Variants in CERS6 observed in about 807,000 individuals in gnomAD.
The protein encoded by CERS6 is LAG1 homolog, ceramide synthase 6.
Under a neutral mutation model 56.8 loss-of-function variants are expected in CERS6, and 26 were observed. The observed-to-expected ratio is 0.46, with a 90% CI of 0.34 to 0.63. The LOEUF (loss-of-function observed/expected upper bound fraction) is 0.63. Among genes scored for constraint, CERS6 ranks in the 30% least tolerant of loss-of-function variants. The probability of loss-of-function intolerance (pLI) is 0.01; values close to 1 mark genes in which losing one functional copy is unlikely to be tolerated. For synonymous variants in CERS6, 164 were observed against 173.3 expected (o/e 0.95, Z 0.42); for missense variants, 415 against 467.5 (o/e 0.89, Z 1.04).
chr2:168,657,893 C>T (rs1340890191), intron 4 of CERS6, among the ~76,000 whole-genome samples: 3 of 152,172 alleles, frequency 2.0e-5, no homozygotes, highest in Non-Finnish European at 4.4e-5. Context: ...TCCCACAGTG[C>T]AGTGGGGGAC....
chr2:168,700,352 G>T (rs1021845722), intron 6 of CERS6, among the ~76,000 whole-genome samples: 6 of 152,172 alleles, frequency 3.9e-5, no homozygotes, highest in African/African-American at 9.7e-5. Context: ...GCATGGAACA[G>T]AATTACGTAA....
At chr2:168,498,591 C>T (rs1694518192) in intron 1 of CERS6, among the ~76,000 whole-genome samples, 2 of 152,178 alleles carry the variant, frequency 1.3e-5, no homozygotes, top group Non-Finnish European at 2.9e-5. Flanking sequence ...ATGTGTCCCA[C>T]GTTCACCTGG....
chr2:168,774,580 A>G lies in CERS6; in HGVS notation c.*4918A>G, dbSNP rs1294796635. 19 of 151,922 alleles carry G rather than the reference A, an allele frequency of 1.3e-4. No homozygotes were observed. Among genetic ancestry groups the G allele is most frequent in the Admixed American group, 1.2e-3 (19 of 15,252 alleles). 9.4% of individuals were successfully genotyped at this position (151,922 alleles called of 1,614,324 possible). On this transcript the variant is annotated 3_prime_UTR_variant, in exon 10 of 10. Transcript: ENST00000305747. ...ATTTCATTGAGACAATTTTTTCTTT[A>G]TCCACAGTAATTTTTTGACACTGTC...
At chr2:168,551,980 C>T (rs974131540) in intron 2 of CERS6, among the ~76,000 whole-genome samples, 5 of 152,140 alleles carry the variant, frequency 3.3e-5, no homozygotes, top group Non-Finnish European at 7.3e-5. Context: ...CTAATCAAAT[C>T]AGTGCTTAAG....
Position 168,544,341 on chromosome 2 carries a change from G to A in CERS6, c.171-3255G>A, listed in dbSNP as rs570927007. ...ACTGTCTTCTGCTTCCATTTCCCTG[G>A]AAGTAGAGGCCACTGACATCTCTGG... On this transcript the variant is annotated intron_variant, in intron 1 of 9. Coordinates refer to ENST00000305747, the MANE Select transcript of CERS6 (RefSeq NM_203463.3). 1.5e-3 allele frequency among the ~76,000 whole-genome samples: 221 copies of A among 152,234 alleles called. No homozygotes were observed. The Middle Eastern group carries it at 0.017, about 12-fold the overall frequency.
chr2:168,534,366 A>G (rs1378282112), intron 1 of CERS6, among the ~76,000 whole-genome samples: 1 of 143,862 alleles, frequency 7.0e-6, no homozygotes, highest in Non-Finnish European at 1.5e-5. Flanking sequence ...TCTAGTTTCG[A>G]TCTTTGAACC....
At chr2:168,761,320 G>A (rs1269283583) in intron 8 of CERS6, among the ~76,000 whole-genome samples, 1 of 151,844 alleles carries the variant, frequency 6.6e-6, no homozygotes, top group Non-Finnish European at 1.5e-5. Context: ...CAGTGTTTCA[G>A]AAATTAATGT....
In CERS6 at chr2:168,769,678, A is replaced by G. The variant is rs1416219214; in HGVS notation, c.*16A>G. ...GGATGATTAATTACTCAAAACTACAAGTCCCAAGCAAAGTGAACTATTTGT... is the reference window on the plus strand; with the variant it reads ...GGATGATTAATTACTCAAAACTACAGGTCCCAAGCAAAGTGAACTATTTGT... On this transcript the variant is annotated 3_prime_UTR_variant, in exon 10 of 10. Coordinates refer to ENST00000305747, the MANE Select transcript of CERS6 (RefSeq NM_203463.3). 3.7e-6 allele frequency: 6 copies of G among 1,608,704 alleles called. No homozygotes were observed. Among genetic ancestry groups the G allele is most frequent in the Middle Eastern group, 1.7e-4 (1 of 6,044 alleles).
At chr2:168,751,802 A>G (rs1308381281) in intron 8 of CERS6, among the ~76,000 whole-genome samples, 5 of 152,266 alleles carry the variant, frequency 3.3e-5, no homozygotes, top group Admixed American at 3.3e-4. Flanking sequence ...AATTATGCCA[A>G]CACTTCTCCT....
At chr2:168,484,221 G>A (rs1294614989) in intron 1 of CERS6, among the ~76,000 whole-genome samples, 1 of 102,704 alleles carries the variant, frequency 9.7e-6, no homozygotes, top group African/African-American at 3.8e-5. Context: ...CACTCCTGTT[G>A]CCCAGGCTAA....
At chr2:168,581,691 G>A (rs1683414989) in intron 3 of CERS6, among the ~76,000 whole-genome samples, 1 of 152,082 alleles carries the variant, frequency 6.6e-6, no homozygotes. Flanking sequence ...TACTTTTTAT[G>A]TGGTCTTTTA....
rs570460828 is a variant in CERS6, at chr2:168,700,939, G to A, written c.609+5888G>A. Among the ~76,000 whole-genome samples, 6 of 152,292 alleles carry A rather than the reference G, an allele frequency of 3.9e-5. No individual in the cohort carries two copies. In the South Asian group the frequency reaches 8.3e-4, roughly 21 times the overall value. ...AGGCACACCAGGATTGTGCTTCTCA[G>A]CCAACCTCCTCTTTTGTGATTGGGT... On this transcript the variant is annotated intron_variant, in intron 6 of 9. Coordinates refer to ENST00000305747, the MANE Select transcript of CERS6 (RefSeq NM_203463.3).
chr2:168,586,690 T>C (rs538591456), intron 3 of CERS6, among the ~76,000 whole-genome samples: 1 of 152,306 alleles, frequency 6.6e-6, no homozygotes, highest in Admixed American at 6.5e-5. Flanking sequence ...AAATTCAGGC[T>C]TGAATTCTGT....
At chr2:168,501,863 C>G (rs764842233) in intron 1 of CERS6, among the ~76,000 whole-genome samples, 2 of 152,166 alleles carry the variant, frequency 1.3e-5, no homozygotes, top group Non-Finnish European at 2.9e-5. Context: ...GAATGATTTT[C>G]CTAGGTAGTA....
chr2:168,589,670 T>C (rs1683627855), intron 3 of CERS6, among the ~76,000 whole-genome samples: 1 of 152,160 alleles, frequency 6.6e-6, no homozygotes, highest in Non-Finnish European at 1.5e-5. Flanking sequence ...GTTCATGCTT[T>C]ACATTTTGTT....
At chr2:168,723,067 A>G (rs1385959315) in intron 8 of CERS6, among the ~76,000 whole-genome samples, 3 of 151,792 alleles carry the variant, frequency 2.0e-5, no homozygotes, top group Non-Finnish European at 4.4e-5. Context: ...GAAAGTGGCA[A>G]CTCCTCCTCT....
intron 1 of CERS6, among the ~76,000 whole-genome samples, chr2:168,471,437 A>G (rs1693976753): frequency 6.6e-6 from 1 of 152,244 alleles, no homozygotes; most frequent in African/African-American, 2.4e-5. Context: ...TTTAAAAACT[A>G]TGTAATAGCA....
chr2:168,651,752 G>A (rs1013694344), intron 4 of CERS6, among the ~76,000 whole-genome samples: 1 of 152,044 alleles, frequency 6.6e-6, no homozygotes, highest in Admixed American at 6.6e-5. Context: ...TGACATGTGG[G>A]GATTACAATT....
chr2:168,618,379 A>G (rs1684370781), intron 3 of CERS6, among the ~76,000 whole-genome samples: 2 of 152,218 alleles, frequency 1.3e-5, no homozygotes, highest in African/African-American at 4.8e-5. Context: ...AATCCAAGCC[A>G]GAGCCATCAG....
Sources: allele counts gnomAD v4.1 joint callset (sites outside exome capture counted in the v4.1 genomes callset), GRCh38; gene constraint gnomAD v4.1.1; transcripts MANE v1.5; gene names NCBI Gene and HGNC (gene_info 2026-07-23, HGNC 2026-07-21).